Variants in YTHDF2 observed in about 807,000 individuals in gnomAD.
The protein encoded by YTHDF2 is YTH N6-methyladenosine RNA binding protein F2.
YTHDF2 carries 2 observed loss-of-function variants against 50.4 expected under a neutral mutation model. The observed-to-expected ratio is 0.04, with a 90% CI of 0.02 to 0.12. The LOEUF is 0.12. Ranked by LOEUF, YTHDF2 falls within the 10% of genes least tolerant of loss-of-function variation. The pLI is 1.00. For missense variants in YTHDF2, 483 were observed against 722.6 expected (o/e 0.67, Z 3.80); for synonymous variants, 217 against 255.6 (o/e 0.85, Z 1.44).
Position 28,760,271 on chromosome 1 carries a change from TTGTGTG to T in YTHDF2, c.1717-8619_1717-8614del, listed in dbSNP as rs28969505. 7.9e-3 allele frequency among the ~76,000 whole-genome samples: 1,158 copies of T among 147,330 alleles called. 18 individuals carry two copies. Among genetic ancestry groups the T allele is most frequent in the East Asian group, 0.037 (179 of 4,810 alleles). On this transcript the variant is annotated intron_variant, in intron 4 of 4. Coordinates refer to ENST00000373812, the MANE Select transcript of YTHDF2 (RefSeq NM_016258.3). ...ATATATAAGCCAATAACATAGTAGG[TTGTGTG>T]TGTGTGTGTGTGTGTGTGTGTGTGT...
chr1:28,758,710 T>C (rs1016700724), intron 4 of YTHDF2, among the ~76,000 whole-genome samples: 1 of 152,224 alleles, frequency 6.6e-6, no homozygotes, highest in Admixed American at 6.5e-5. Context: ...ACTGCAGGGT[T>C]ACCTCACTTT....
intron 4 of YTHDF2, among the ~76,000 whole-genome samples, chr1:28,759,169 T>A (rs111304379): frequency 2.4e-3 from 367 of 152,306 alleles, no homozygotes; most frequent in African/African-American, 8.6e-3. Flanking sequence ...CTACAAGTGA[T>A]TCTCCTGTAT....
Position 28,743,998 on chromosome 1 carries a change from C to G in YTHDF2, c.1716+12C>G. 1 of 1,522,228 alleles carries G rather than the reference C, an allele frequency of 6.6e-7. No homozygotes were observed. Among genetic ancestry groups the G allele is most frequent in the East Asian group, 2.3e-5 (1 of 44,210 alleles). 94.3% of individuals were successfully genotyped at this position (1,522,228 alleles called of 1,614,324 possible). The stretch of plus-strand genomic sequence containing the variant: ...AAAGTGTTAAAAAGGTAACCCACTT[C>G]TTCTTATTAAGATTTTTAGGGAAGG... On this transcript the variant is annotated intron_variant, in intron 4 of 4. Transcript: ENST00000373812. This position sits in a 1 kb window ranked among gnomAD's most constrained non-coding sequence, Gnocchi z 6.9.
chr1:28,740,095 C>T (rs1271759691), intron 3 of YTHDF2, among the ~76,000 whole-genome samples: 1 of 152,106 alleles, frequency 6.6e-6, no homozygotes, highest in Admixed American at 6.5e-5. Flanking sequence ...ATAGAAACCA[C>T]TTGAGCAAGT....
At chr1:28,738,457 T>G in intron 3 of YTHDF2, 119 bp downstream of exon 3, 1 of 977,852 alleles carries the variant, frequency 1.0e-6, no homozygotes, top group Non-Finnish European at 1.5e-6. Context: ...TGTTTTCTGT[T>G]TTTTTGAGAC....
At chr1:28,761,131 A>AT (rs56876999) in intron 4 of YTHDF2, among the ~76,000 whole-genome samples, 1,719 of 91,268 alleles carry the variant, frequency 0.019, 186 homozygotes, top group Admixed American at 0.17. Context: ...GTGTGTGTGT[A>AT]TTTTTTTTTT....
intron 4 of YTHDF2, among the ~76,000 whole-genome samples, chr1:28,753,123 A>G (rs1047176234): frequency 6.6e-6 from 1 of 151,872 alleles, no homozygotes; most frequent in Non-Finnish European, 1.5e-5. Flanking sequence ...TGCTCAAAAC[A>G]TGTTTCATGT....
intron 4 of YTHDF2, among the ~76,000 whole-genome samples, chr1:28,768,329 G>T (rs1439549145): frequency 6.6e-6 from 1 of 151,674 alleles, no homozygotes. Flanking sequence ...TTTATTTCAG[G>T]GAAAACATAA....
intron 4 of YTHDF2, among the ~76,000 whole-genome samples, chr1:28,750,612 C>G (rs554399720): frequency 6.6e-6 from 1 of 152,082 alleles, no homozygotes; most frequent in African/African-American, 2.4e-5. Context: ...AATTTCTGAC[C>G]GAAGTATTTG....
chr1:28,759,409 CA>C (rs1168626614), intron 4 of YTHDF2, among the ~76,000 whole-genome samples: 2 of 152,120 alleles, frequency 1.3e-5, no homozygotes, highest in African/African-American at 4.8e-5. Flanking sequence ...GATATACAAT[CA>C]TGCATCCCTT....
Position 28,742,859 on chromosome 1 carries a change from A to C in YTHDF2, c.589A>C (p.Thr197Pro), listed in dbSNP as rs371581390. 1 of 1,614,162 alleles carries C rather than the reference A, an allele frequency of 6.2e-7. No individual in the cohort carries two copies. ...QGMAALKLGS[T>P]EVASNVPKVV... ...GATGGCAGCACTGAAGTTGGGTAGC[A>C]CAGAAGTTGCAAGCAATGTTCCAAA... Residue 197 changes from threonine to proline, a missense_variant, in exon 4 of 5, where the codon ACA becomes CCA. Thr to Pro is a conservative substitution (Grantham distance 38). This residue lies in a region of YTHDF2 where 385 missense variants were observed against 475.8 expected (regional missense o/e 0.81). Transcript: ENST00000373812.
chr1:28,736,782 T>G, upstream of YTHDF2: 3 of 311,976 alleles, frequency 9.6e-6, no homozygotes, highest in Non-Finnish European at 1.8e-5. Context: ...CTTCCCGGGG[T>G]TCTTCGCGCC....
At chr1:28,746,750 ACT>A (rs1377192731) in intron 4 of YTHDF2, among the ~76,000 whole-genome samples, 5 of 151,394 alleles carry the variant, frequency 3.3e-5, no homozygotes, top group African/African-American at 9.7e-5. Flanking sequence ...ATAGAGAGAG[ACT>A]CTGTCTAAAC....
rs2087697384 is a variant in YTHDF2 at position 28,736,980 on chromosome 1, T to TGTGTCTCCGCTGCGTC, written c.-140_-125dup. 4 of 1,049,618 alleles carry TGTGTCTCCGCTGCGTC rather than the reference T, an allele frequency of 3.8e-6. No homozygotes were observed. Among genetic ancestry groups the TGTGTCTCCGCTGCGTC allele is most frequent in the Non-Finnish European group, 4.1e-6 (3 of 729,498 alleles). The allele number at this position is 1,049,618 out of a possible 1,614,324, so 65.0% of individuals were successfully genotyped here. ...CGGAGCCGGAGCCTGAGCCGCGCGC[T>TGTGTCTCCGCTGCGTC]GTGTCTCCGCTGCGTCCGCCGAGGC... On this transcript the variant is annotated 5_prime_UTR_variant, in exon 1 of 5. Transcript: ENST00000373812.
rs905955090 is a variant in YTHDF2, at chr1:28,738,221, G to C, written c.53-38G>C. ...GAACTAATTTGAAAGGAAGATTGTA[G>C]GATTGGGACACTCCTAATTGAATTT... On this transcript the variant is annotated intron_variant, in intron 2 of 4. Coordinates refer to ENST00000373812, the MANE Select transcript of YTHDF2 (RefSeq NM_016258.3). The C allele has an allele frequency of 5.3e-6, 8 of 1,514,964 alleles. No homozygotes were observed. In the Admixed American group the frequency reaches 6.8e-5, roughly 13 times the overall value. 93.8% of individuals were successfully genotyped at this position (1,514,964 alleles called of 1,614,324 possible).
intron 4 of YTHDF2, among the ~76,000 whole-genome samples, chr1:28,750,105 C>T (rs969490708): frequency 1.3e-5 from 2 of 150,108 alleles, no homozygotes; most frequent in African/African-American, 4.9e-5. Context: ...ATTCTCCTGC[C>T]TCAGCCTCCC....
intron 1 of YTHDF2, 34 bp from the exon 2 acceptor site, chr1:28,737,624 A>G: frequency 6.2e-7 from 1 of 1,613,232 alleles, no homozygotes; most frequent in Non-Finnish European, 8.5e-7. Context: ...CCTTTGGACA[A>G]CTTGCTGCTC....
intron 3 of YTHDF2, among the ~76,000 whole-genome samples, chr1:28,739,925 A>G (rs2087750996): frequency 6.6e-6 from 1 of 152,254 alleles, no homozygotes; most frequent in South Asian, 2.1e-4. Flanking sequence ...CTGGCAATAT[A>G]TCTTCCAAAA....
Position 28,737,100 on chromosome 1 carries a change from G to T in YTHDF2, c.-21G>T. 2 of 1,593,686 alleles carry T rather than the reference G, an allele frequency of 1.3e-6. No individual in the cohort carries two copies. Among genetic ancestry groups the T allele is most frequent in the Non-Finnish European group, 8.5e-7 (1 of 1,172,156 alleles). On this transcript the variant is annotated 5_prime_UTR_variant, in exon 1 of 5. Transcript: ENST00000373812. ...CTGAGGAGAGTTCGCCGCCGTCGCCGCCCGTGAGGATCTGAGAGCCATGTC... is the reference window on the plus strand; with the variant it reads ...CTGAGGAGAGTTCGCCGCCGTCGCCTCCCGTGAGGATCTGAGAGCCATGTC...
Sources: allele counts gnomAD v4.1 joint callset (sites outside exome capture counted in the v4.1 genomes callset), GRCh38; gene constraint gnomAD v4.1.1; regional missense constraint gnomAD v4.1.1; non-coding constraint Gnocchi (gnomAD v3.1); transcripts MANE v1.5; gene names NCBI Gene and HGNC (gene_info 2026-07-23, HGNC 2026-07-21).